The following RALGAPA2 variants were observed in gnomAD, a reference collection of about 807,000 sequenced individuals.
RALGAPA2 encodes ral GTPase-activating protein subunit alpha-2.
A neutral mutation model predicts 230.4 loss-of-function variants in RALGAPA2; 139 were observed. The ratio of observed to expected loss-of-function variants is 0.60; its 90% confidence interval spans 0.53 to 0.69. The LOEUF (loss-of-function observed/expected upper bound fraction) is 0.69. RALGAPA2 is among the 30% of genes least tolerant of loss of function. The pLI is 0.00. For missense variants in RALGAPA2, 2,163 were observed against 2,276.0 expected (o/e 0.95, Z 1.01); for synonymous variants, 847 against 837.8 (o/e 1.01, Z -0.19).
At chr20:20,493,848 A>C (rs1196810321) in intron 36 of RALGAPA2, among the ~76,000 whole-genome samples, 1 of 152,222 alleles carries the variant, frequency 6.6e-6, no homozygotes, top group Non-Finnish European at 1.5e-5. Flanking sequence ...AGAATAAAAA[A>C]TGATGCAAAT....
At chr20:20,458,497 T>C (rs2061185421) in intron 37 of RALGAPA2, among the ~76,000 whole-genome samples, 2 of 138,376 alleles carry the variant, frequency 1.4e-5, no homozygotes, top group South Asian at 2.1e-4. Flanking sequence ...ATTTTATATA[T>C]ATTATATATA....
chr20:20,589,223 T>C, intron 18 of RALGAPA2, 45 bp downstream of exon 18: 1 of 1,518,970 alleles, frequency 6.6e-7, no homozygotes, highest in African/African-American at 1.4e-5. Flanking sequence ...CACTAATTAA[T>C]GTTTATTTTT....
chr20:20,668,904 G>A (rs1401462208), intron 3 of RALGAPA2, among the ~76,000 whole-genome samples: 3 of 152,226 alleles, frequency 2.0e-5, no homozygotes, highest in African/African-American at 7.2e-5. Context: ...GCTACACTGA[G>A]AGCCAGGGAG....
intron 23 of RALGAPA2, among the ~76,000 whole-genome samples, chr20:20,560,857 T>C (rs1012531661): frequency 6.6e-6 from 1 of 152,230 alleles, no homozygotes; most frequent in African/African-American, 2.4e-5. Context: ...AATAGCTATA[T>C]TCCAAAGAGC....
intron 36 of RALGAPA2, among the ~76,000 whole-genome samples, chr20:20,484,851 T>C (rs1602507962): frequency 6.6e-6 from 1 of 152,166 alleles, no homozygotes; most frequent in African/African-American, 2.4e-5. Flanking sequence ...ATGTACAGTA[T>C]GTAATTCTCA....
At position 20,398,207 on chromosome 20, in the gene RALGAPA2, C is replaced by G. The variant is rs571905477; in HGVS notation, c.5618-1473G>C. ...ACCCTCCAGTGTGAGCAAAGGGTCT[C>G]TTTATGAAGGCGCTCCTTGATCTCA... On this transcript the variant is annotated intron_variant, in intron 38 of 39. Coordinates refer to ENST00000202677, the MANE Select transcript of RALGAPA2 (RefSeq NM_020343.4). This position sits in a 1 kb window ranked among gnomAD's most constrained non-coding sequence, Gnocchi z 4.5. Among the ~76,000 whole-genome samples the G allele has an allele frequency of 5.3e-5, 8 of 152,334 alleles. No homozygotes were observed. The highest frequency in any genetic ancestry group is 1.9e-4 in the African/African-American group (8 of 41,586).
chr20:20,549,447 C>T (rs957798121), intron 23 of RALGAPA2, among the ~76,000 whole-genome samples: 3 of 152,102 alleles, frequency 2.0e-5, no homozygotes, highest in Non-Finnish European at 4.4e-5. Context: ...GGCTAGCCTA[C>T]CCTACCCTGC....
At chr20:20,623,627 C>A (rs2066391877) in intron 10 of RALGAPA2, among the ~76,000 whole-genome samples, 1 of 152,126 alleles carries the variant, frequency 6.6e-6, no homozygotes. Flanking sequence ...CAGGTCTCAA[C>A]CTCTCACAGC....
chr20:20,639,104 G>A (rs1042169178), intron 7 of RALGAPA2, among the ~76,000 whole-genome samples: 6 of 152,130 alleles, frequency 3.9e-5, no homozygotes, highest in African/African-American at 7.2e-5. Flanking sequence ...GCAGTGACAG[G>A]GCAGAAGGCA....
chr20:20,606,645 C>T (rs1458874080), intron 14 of RALGAPA2, among the ~76,000 whole-genome samples: 2 of 152,100 alleles, frequency 1.3e-5, no homozygotes, highest in South Asian at 4.2e-4. Context: ...CCCACCACCA[C>T]CTCCCAGCCT....
chr20:20,553,163 T>C (rs1217559902), intron 23 of RALGAPA2, among the ~76,000 whole-genome samples: 2 of 152,228 alleles, frequency 1.3e-5, no homozygotes, highest in African/African-American at 4.8e-5. Flanking sequence ...TAACAAGTGT[T>C]GTACACAATG....
intron 38 of RALGAPA2, among the ~76,000 whole-genome samples, chr20:20,405,934 T>G (rs1536841): frequency 0.49 from 73,956 of 152,128 alleles, 19,686 homozygotes; most frequent in Non-Finnish European, 0.59. Context: ...CTCCTTTCTA[T>G]TCACTCCTGT....
At position 20,505,753 on chromosome 20, in the gene RALGAPA2, T is replaced by G. The variant is rs557314651; in HGVS notation, c.4929-219A>C. On this transcript the variant is annotated intron_variant, in intron 33 of 39. Transcript: ENST00000202677. ...ATTATTATCACCTCCCTAGTAGAGG[T>G]GGTTGAAAGGAGGCACAGAAAGTGA... Among the ~76,000 whole-genome samples, 314 of 152,082 alleles carry G rather than the reference T, an allele frequency of 2.1e-3. 1 individual carries two copies. The highest frequency in any genetic ancestry group is 7.0e-3 in the African/African-American group (292 of 41,496).
In RALGAPA2 at chr20:20,672,243, T is replaced by G. The variant is rs141306660; in HGVS notation, c.270+3993A>C. Among the ~76,000 whole-genome samples, 751 of 152,214 alleles carry G rather than the reference T, an allele frequency of 4.9e-3. 8 individuals carry two copies. Among genetic ancestry groups the G allele is most frequent in the African/African-American group, 0.017 (703 of 41,500 alleles). ...TGGGAGAAACCAGGATTAACAAATG[T>G]GAAATCTGTGGTCATTCAGTACCAC... is the stretch of plus-strand genomic sequence containing the variant. On this transcript the variant is annotated intron_variant, in intron 3 of 39. Coordinates refer to ENST00000202677, the MANE Select transcript of RALGAPA2 (RefSeq NM_020343.4).
chr20:20,694,992 G>T (rs1406655657), intron 1 of RALGAPA2, among the ~76,000 whole-genome samples: 4 of 152,128 alleles, frequency 2.6e-5, no homozygotes, highest in South Asian at 2.1e-4. Flanking sequence ...GTTTTGGGGG[G>T]TACTTCCAGG....
chr20:20,591,702 A>G (rs542971342), intron 16 of RALGAPA2, among the ~76,000 whole-genome samples: 1 of 152,214 alleles, frequency 6.6e-6, no homozygotes, highest in Admixed American at 6.5e-5. Flanking sequence ...ACACACACAC[A>G]CACACATACA....
chr20:20,538,493 C>T (rs1034634938), intron 24 of RALGAPA2, among the ~76,000 whole-genome samples: 9 of 152,024 alleles, frequency 5.9e-5, no homozygotes, highest in Middle Eastern at 3.2e-3. Flanking sequence ...CAAAGACTCC[C>T]GGGAAAAAGA....
chr20:20,525,808 A>C (rs1252610459), intron 28 of RALGAPA2, among the ~76,000 whole-genome samples: 1 of 152,168 alleles, frequency 6.6e-6, no homozygotes, highest in Non-Finnish European at 1.5e-5. Context: ...TCGTGGTAGC[A>C]ATCTCATTAC....
intron 38 of RALGAPA2, among the ~76,000 whole-genome samples, chr20:20,402,075 G>A (rs368464696): frequency 1.3e-4 from 20 of 152,268 alleles, no homozygotes; most frequent in South Asian, 8.3e-4. Context: ...GAGAGGCAGC[G>A]GGGCTGTAGG....
Sources: gnomAD v4.1 joint callset for allele counts (sites outside exome capture counted in the v4.1 genomes callset) on GRCh38, gnomAD v4.1.1 for gene constraint, Gnocchi (gnomAD v3.1) non-coding constraint, MANE v1.5 for transcripts, NCBI Gene and HGNC (gene_info 2026-07-23, HGNC 2026-07-21) for gene names.